Variants in SLC39A11 observed in about 807,000 individuals in gnomAD.
SLC39A11 encodes the protein zinc transporter ZIP11.
SLC39A11 carries 33 observed loss-of-function variants against 36.1 expected under a neutral mutation model. The ratio of observed to expected loss-of-function variants is 0.91; its 90% CI spans 0.69 to 1.22. SLC39A11 has a LOEUF of 1.22. Among genes scored for constraint, SLC39A11 ranks in the 50% most tolerant of loss-of-function variants. SLC39A11 has a pLI of 0.00. For missense variants in SLC39A11, 432 were observed against 430.3 expected (o/e 1.00, Z -0.03); for synonymous variants, 166 against 170.3 (o/e 0.97, Z 0.20).
intron 3 of SLC39A11, among the ~76,000 whole-genome samples, chr17:73,050,623 C>T (rs1465534075): frequency 6.6e-6 from 1 of 152,054 alleles, no homozygotes; most frequent in Non-Finnish European, 1.5e-5. Context: ...ACCACCACAC[C>T]CAGCGAATTT....
intron 4 of SLC39A11, among the ~76,000 whole-genome samples, chr17:73,030,687 C>T (rs2058710085): frequency 6.6e-6 from 1 of 152,258 alleles, no homozygotes; most frequent in Non-Finnish European, 1.5e-5. Flanking sequence ...ATCTCTAGAA[C>T]TTGTCGGGCC....
intron 3 of SLC39A11, among the ~76,000 whole-genome samples, chr17:73,047,370 G>A (rs547282652): frequency 3.3e-5 from 5 of 152,228 alleles, no homozygotes; most frequent in Non-Finnish European, 7.3e-5. Context: ...TCAAATCCAA[G>A]CTCCACCATT....
chr17:73,056,049 CT>C (rs1328856175), intron 3 of SLC39A11, among the ~76,000 whole-genome samples: 1 of 152,198 alleles, frequency 6.6e-6, no homozygotes, highest in African/African-American at 2.4e-5. Context: ...GAGGACACTG[CT>C]GGCAACTCCC....
At chr17:72,977,576 C>T (rs2087953276) in intron 4 of SLC39A11, among the ~76,000 whole-genome samples, 1 of 152,204 alleles carries the variant, frequency 6.6e-6, no homozygotes, top group East Asian at 1.9e-4. Context: ...TGGTGAGATA[C>T]ACCAGGGACA....
intron 6 of SLC39A11, among the ~76,000 whole-genome samples, chr17:72,772,388 C>T (rs1040637416): frequency 6.6e-6 from 1 of 152,190 alleles, no homozygotes; most frequent in African/African-American, 2.4e-5. Flanking sequence ...GTTTTATATG[C>T]ATAACTCCAC....
intron 7 of SLC39A11, among the ~76,000 whole-genome samples, chr17:72,664,725 C>T (rs1198613798): frequency 6.6e-6 from 1 of 152,252 alleles, no homozygotes; most frequent in African/African-American, 2.4e-5. Flanking sequence ...AGGGCCAGGG[C>T]CCACATCCCC....
intron 4 of SLC39A11, among the ~76,000 whole-genome samples, chr17:72,976,484 C>T (rs187534599): frequency 1.4e-3 from 212 of 152,286 alleles, no homozygotes; most frequent in African/African-American, 4.6e-3. Flanking sequence ...AAGTATGAAT[C>T]ATCAATGGGC....
chr17:73,031,865 C>A, intron 3 of SLC39A11, 151 bp from the exon 4 acceptor site: 2 of 777,254 alleles, frequency 2.6e-6, no homozygotes, highest in Non-Finnish European at 4.0e-6. Context: ...TATCAGAAAC[C>A]AAAAAGCCAT....
intron 3 of SLC39A11, among the ~76,000 whole-genome samples, chr17:73,058,581 G>C (rs1354416281): frequency 6.6e-6 from 1 of 152,180 alleles, no homozygotes; most frequent in Non-Finnish European, 1.5e-5. Flanking sequence ...CAATTAGCCA[G>C]GCATGGTAGC....
At chr17:72,923,815 T>C (rs562460853) in intron 5 of SLC39A11, among the ~76,000 whole-genome samples, 8 of 152,026 alleles carry the variant, frequency 5.3e-5, no homozygotes, top group South Asian at 2.1e-4. Flanking sequence ...ACTTAACAAT[T>C]GCAAGATACA....
intron 7 of SLC39A11, among the ~76,000 whole-genome samples, chr17:72,729,174 A>G (rs1476696327): frequency 6.6e-6 from 1 of 151,602 alleles, no homozygotes; most frequent in African/African-American, 2.4e-5. Context: ...AACCCACCAT[A>G]GTTGCCAACT....
At chr17:72,889,162 A>C (rs2081591379) in intron 5 of SLC39A11, among the ~76,000 whole-genome samples, 1 of 152,222 alleles carries the variant, frequency 6.6e-6, no homozygotes, top group South Asian at 2.1e-4. Context: ...TATTAGCCAT[A>C]CTTAAACCAT....
intron 7 of SLC39A11, among the ~76,000 whole-genome samples, chr17:72,670,784 C>T (rs2070989920): frequency 6.6e-6 from 1 of 152,154 alleles, no homozygotes; most frequent in Non-Finnish European, 1.5e-5. Context: ...ATGTACTTAC[C>T]TTCTGGCATC....
At chr17:73,032,918 A>G (rs2058784392) in intron 3 of SLC39A11, among the ~76,000 whole-genome samples, 1 of 152,174 alleles carries the variant, frequency 6.6e-6, no homozygotes, top group Non-Finnish European at 1.5e-5. Context: ...AAGAAATTGG[A>G]TCTTGAAATA....
At chr17:72,717,022 CACAT>C (rs1412570066) in intron 7 of SLC39A11, among the ~76,000 whole-genome samples, 10 of 140,078 alleles carry the variant, frequency 7.1e-5, no homozygotes, top group East Asian at 4.0e-4. Context: ...CACACACACA[CACAT>C]ATACACATAT....
chr17:72,981,875 A>G (rs1390635813), intron 4 of SLC39A11, among the ~76,000 whole-genome samples: 1 of 152,184 alleles, frequency 6.6e-6, no homozygotes, highest in African/African-American at 2.4e-5. Flanking sequence ...AGTAAGAGAA[A>G]GACACAGACA....
rs548054887 is a variant in SLC39A11, at chr17:72,885,280, C to T, written c.431-35476G>A. ...GGAACGTCAACGCTTTCTGCATACT[C>T]AACTCCAGTTTCATACTTTTGCAAA... On this transcript the variant is annotated intron_variant, in intron 5 of 9. Coordinates refer to ENST00000255559, the MANE Select transcript of SLC39A11 (RefSeq NM_139177.4). 7.9e-5 allele frequency among the ~76,000 whole-genome samples: 12 copies of T among 152,236 alleles called. No homozygotes were observed. In the East Asian group the frequency reaches 2.1e-3, roughly 27 times the overall value.
intron 7 of SLC39A11, among the ~76,000 whole-genome samples, chr17:72,685,770 G>A (rs1302799624): frequency 6.6e-6 from 1 of 152,178 alleles, no homozygotes; most frequent in Non-Finnish European, 1.5e-5. Flanking sequence ...TGTGCGTGGT[G>A]GTTCATGCCT....
intron 6 of SLC39A11, among the ~76,000 whole-genome samples, chr17:72,739,882 C>A (rs1487660155): frequency 6.6e-6 from 1 of 152,060 alleles, no homozygotes; most frequent in African/African-American, 2.4e-5. Flanking sequence ...ACTTTAAACT[C>A]CCCCAGAAAT....
Sources: allele counts gnomAD v4.1 joint callset (sites outside exome capture counted in the v4.1 genomes callset), GRCh38; gene constraint gnomAD v4.1.1; transcripts MANE v1.5; gene names NCBI Gene and HGNC (gene_info 2026-07-23, HGNC 2026-07-21).